The following GALNT1 variants were observed in gnomAD, a reference collection of about 807,000 sequenced individuals.
GALNT1 encodes polypeptide N-acetylgalactosaminyltransferase 1.
In GALNT1, 17 loss-of-function variants were observed where a neutral mutation model predicts 65.7. The ratio of observed to expected loss-of-function variants is 0.26; its 90% CI spans 0.18 to 0.39. The LOEUF (loss-of-function observed/expected upper bound fraction) is 0.39, where lower values mean the gene tolerates loss of function less well. Ranked by LOEUF, GALNT1 falls within the 10% of genes least tolerant of loss-of-function variation. GALNT1 has a pLI of 1.00. For missense variants in GALNT1, 460 were observed against 672.8 expected (o/e 0.68, Z 3.50); for synonymous variants, 210 against 219.7 (o/e 0.96, Z 0.39).
At chr18:35,657,613 G>T (rs2047411281) in intron 2 of GALNT1, among the ~76,000 whole-genome samples, 1 of 152,186 alleles carries the variant, frequency 6.6e-6, no homozygotes, top group Non-Finnish European at 1.5e-5. Context: ...GGAATGAAAA[G>T]CCCCAAGGAG....
chr18:35,660,718 A>G (rs1416908804), intron 2 of GALNT1, among the ~76,000 whole-genome samples: 1 of 152,216 alleles, frequency 6.6e-6, no homozygotes, highest in Non-Finnish European at 1.5e-5. Flanking sequence ...CATTAATAGT[A>G]ACATATATTC....
chr18:35,644,069 G>A (rs1426380316), intron 1 of GALNT1, among the ~76,000 whole-genome samples: 3 of 152,100 alleles, frequency 2.0e-5, no homozygotes, highest in African/African-American at 7.2e-5. Flanking sequence ...AAACATTCGA[G>A]CCAATAAATT....
chr18:35,640,261 A>G (rs752591292), intron 1 of GALNT1, among the ~76,000 whole-genome samples: 6 of 152,228 alleles, frequency 3.9e-5, no homozygotes, highest in Non-Finnish European at 8.8e-5. Context: ...ATATGTTATT[A>G]ATACTAGAAA....
At chr18:35,674,553 C>G (rs950457393) in intron 3 of GALNT1, among the ~76,000 whole-genome samples, 1 of 152,188 alleles carries the variant, frequency 6.6e-6, no homozygotes, top group South Asian at 2.1e-4. Context: ...AGAGCTTAGG[C>G]ATGCCTCATG....
At chr18:35,657,544 TG>T (rs1191352122) in intron 2 of GALNT1, among the ~76,000 whole-genome samples, 14 of 152,134 alleles carry the variant, frequency 9.2e-5, no homozygotes, top group Admixed American at 7.9e-4. Context: ...GACTCCCTGT[TG>T]GAGAGCCCCT....
intron 1 of GALNT1, among the ~76,000 whole-genome samples, chr18:35,586,561 GT>G (rs34131053): frequency 0.23 from 34,172 of 151,854 alleles, 4,337 homozygotes; most frequent in African/African-American, 0.34. Context: ...TAGTTTTGTG[GT>G]TTTTACATGA....
chr18:35,703,449 G>A, intron 10 of GALNT1, 60 bp from the exon 11 acceptor site: 2 of 1,465,622 alleles, frequency 1.4e-6, no homozygotes, highest in South Asian at 2.4e-5. Flanking sequence ...AGCTAATTGG[G>A]CATTTAAAAT....
At chr18:35,684,272 T>G (rs2047832960) in intron 5 of GALNT1, among the ~76,000 whole-genome samples, 1 of 151,726 alleles carries the variant, frequency 6.6e-6, no homozygotes, top group Admixed American at 6.6e-5. Flanking sequence ...AGTGAACTTT[T>G]ACTAGTCAAG....
Position 35,692,300 on chromosome 18 carries a change from C to G in GALNT1, c.1279C>G (p.His427Asp). 1 of 1,579,132 alleles carries G rather than the reference C, an allele frequency of 6.3e-7. No homozygotes were observed. Among genetic ancestry groups the G allele is most frequent in the South Asian group, 1.1e-5 (1 of 89,160 alleles). The stretch of plus-strand genomic sequence containing the variant: ...ATATCCTGATTCTCAAATTCCACGT[C>G]ACTATTTCTCATTGGGAGAGGTAAG... ...NIYPDSQIPRHYFSLGEIRNV... is the reference protein window; with the variant it reads ...NIYPDSQIPRDYFSLGEIRNV... Residue 427 changes from histidine (H) to aspartate (D), a missense_variant, in exon 9 of 12, where the codon CAC (histidine) becomes GAC (aspartate). Physicochemically the swap from His to Asp is moderately conservative, Grantham distance 81. Coordinates refer to ENST00000269195, the MANE Select transcript of GALNT1 (RefSeq NM_020474.4).
intron 1 of GALNT1, among the ~76,000 whole-genome samples, chr18:35,600,704 T>A (rs1317446971): frequency 6.6e-6 from 1 of 152,180 alleles, no homozygotes; most frequent in Non-Finnish European, 1.5e-5. Flanking sequence ...GATCCTTCTA[T>A]ACCATTAACA....
intron 1 of GALNT1, among the ~76,000 whole-genome samples, chr18:35,642,955 T>C (rs1383753275): frequency 2.6e-5 from 4 of 151,958 alleles, no homozygotes; most frequent in Non-Finnish European, 5.9e-5. Flanking sequence ...GCCTTCTCCA[T>C]GTCGGGGGCA....
chr18:35,589,322 C>A (rs1462400952), intron 1 of GALNT1, among the ~76,000 whole-genome samples: 1 of 152,072 alleles, frequency 6.6e-6, no homozygotes, highest in East Asian at 1.9e-4. Flanking sequence ...AAGTGGGTGC[C>A]TTATTATAAC....
intron 1 of GALNT1, among the ~76,000 whole-genome samples, chr18:35,583,332 G>C (rs1331117870): frequency 6.6e-6 from 1 of 152,212 alleles, no homozygotes; most frequent in Non-Finnish European, 1.5e-5. Context: ...AACCTGAGAA[G>C]CCTTTGTTCA....
chr18:35,686,023 G>A lies in GALNT1; in HGVS notation c.690-993G>A, dbSNP rs146456966. ...GTCAAGGCTGCAATGAGCCAAGAGT[G>A]CACCATTGCCCTCTAGCCTGGGCAA... is the stretch of plus-strand genomic sequence containing the variant. On this transcript the variant is annotated intron_variant, in intron 5 of 11. Coordinates refer to ENST00000269195, the MANE Select transcript of GALNT1 (RefSeq NM_020474.4). Among the ~76,000 whole-genome samples the A allele has an allele frequency of 1.8e-3, 279 of 152,260 alleles. 2 individuals carry two copies. Among genetic ancestry groups the A allele is most frequent in the Admixed American group, 4.1e-3 (62 of 15,290 alleles).
intron 1 of GALNT1, among the ~76,000 whole-genome samples, chr18:35,646,640 C>T (rs2047235038): frequency 6.6e-6 from 1 of 152,226 alleles, no homozygotes; most frequent in African/African-American, 2.4e-5. Flanking sequence ...TTTAATGACT[C>T]AGTCTTCACT....
intron 9 of GALNT1, among the ~76,000 whole-genome samples, chr18:35,701,305 C>T (rs549410030): frequency 1.3e-5 from 2 of 152,252 alleles, no homozygotes; most frequent in South Asian, 2.1e-4. Context: ...TAGGCTCAGG[C>T]GATCCTACTG....
intron 8 of GALNT1, 114 bp from the exon 9 acceptor site, chr18:35,692,065 CAT>C: frequency 1.2e-6 from 1 of 813,960 alleles, no homozygotes; most frequent in Non-Finnish European, 2.0e-6. Context: ...TGTATAGTCA[CAT>C]ATCACCCAGC....
In GALNT1 at chr18:35,706,794, G is replaced by T. The variant is rs374904540; in HGVS notation, c.1534-2830G>T. Among the ~76,000 whole-genome samples, 13 of 152,176 alleles carry T rather than the reference G, an allele frequency of 8.5e-5. No homozygotes were observed. The East Asian group carries it at 2.5e-3, about 29-fold the overall frequency. On this transcript the variant is annotated intron_variant, in intron 11 of 11. Transcript: ENST00000269195. ...CAGACTACAGGGAAAGCACTGGAGG[G>T]GAACAGCCCATCAGAATCGTCCTGC...
chr18:35,690,112 T>C (rs1438252250), intron 7 of GALNT1, among the ~76,000 whole-genome samples: 2 of 152,338 alleles, frequency 1.3e-5, no homozygotes, highest in East Asian at 1.9e-4. Context: ...TAAAGAGTTA[T>C]GAGATTTTTA....
Sources: gnomAD v4.1 joint callset for allele counts (sites outside exome capture counted in the v4.1 genomes callset) on GRCh38, gnomAD v4.1.1 for gene constraint, MANE v1.5 for transcripts, NCBI Gene and HGNC (gene_info 2026-07-23, HGNC 2026-07-21) for gene names.